Variants in TMEM108 observed in about 807,000 individuals in gnomAD.
TMEM108 encodes the protein transmembrane protein 108, also known as cancer/testis antigen 124.
A neutral mutation model predicts 35.1 loss-of-function variants in TMEM108; 12 were observed. The observed-to-expected ratio is 0.34, with a 90% CI of 0.22 to 0.55. The LOEUF is 0.55. Ranked by LOEUF, TMEM108 falls within the 20% of genes least tolerant of loss-of-function variation. The pLI, the probability that TMEM108 is intolerant of heterozygous loss-of-function variation, is 0.89. For synonymous variants in TMEM108, 287 were observed against 308.6 expected (o/e 0.93, Z 0.73); for missense variants, 680 against 753.3 (o/e 0.90, Z 1.14).
intron 4 of TMEM108, chr3:133,387,344 T>C (rs1576543742): frequency 1.0e-6 from 1 of 985,496 alleles, no homozygotes; most frequent in East Asian, 1.1e-4. Context: ...GTAGCCAGGC[T>C]GGCTTTCAGT....
chr3:133,146,324 G>T (rs1015983098), intron 2 of TMEM108, among the ~76,000 whole-genome samples: 1 of 152,146 alleles, frequency 6.6e-6, no homozygotes, highest in Non-Finnish European at 1.5e-5. Flanking sequence ...TGACTTGACT[G>T]TGGTGGATAA....
chr3:133,050,210 G>A (rs1202485142), intron 2 of TMEM108, among the ~76,000 whole-genome samples: 1 of 152,138 alleles, frequency 6.6e-6, no homozygotes, highest in Non-Finnish European at 1.5e-5. Context: ...GAGTTGAGGG[G>A]AAGGAGGTGG....
At chr3:133,129,650 C>G (rs1354699670) in intron 2 of TMEM108, among the ~76,000 whole-genome samples, 1 of 151,996 alleles carries the variant, frequency 6.6e-6, no homozygotes, top group Non-Finnish European at 1.5e-5. Flanking sequence ...TGAAAAAGGC[C>G]AAGAATGCCA....
chr3:133,149,639 C>T (rs1944769239), intron 2 of TMEM108, among the ~76,000 whole-genome samples: 1 of 152,120 alleles, frequency 6.6e-6, no homozygotes, highest in Admixed American at 6.6e-5. Flanking sequence ...ATAACATCCT[C>T]TAGGTTCATC....
intron 3 of TMEM108, among the ~76,000 whole-genome samples, chr3:133,275,919 A>G (rs949298804): frequency 2.0e-5 from 3 of 152,308 alleles, no homozygotes; most frequent in Non-Finnish European, 2.9e-5. Context: ...GTATTTGCTT[A>G]GTTGCTTTAT....
At chr3:133,373,575 A>G (rs905799411) in intron 3 of TMEM108, among the ~76,000 whole-genome samples, 6 of 151,996 alleles carry the variant, frequency 3.9e-5, no homozygotes, top group Non-Finnish European at 7.4e-5. Context: ...CAGCTTTCTC[A>G]TCTGTAAAGT....
intron 2 of TMEM108, among the ~76,000 whole-genome samples, chr3:133,109,287 T>A (rs1944197492): frequency 6.6e-6 from 1 of 152,144 alleles, no homozygotes. Flanking sequence ...TCATTCTAAT[T>A]ACAATACTCT....
chr3:133,132,818 T>G (rs965832414), intron 2 of TMEM108, among the ~76,000 whole-genome samples: 3 of 151,924 alleles, frequency 2.0e-5, no homozygotes, highest in Non-Finnish European at 4.4e-5. Flanking sequence ...TTAAGAACAT[T>G]CGTGATTTAT....
At chr3:133,393,100 C>T (rs909347979) in intron 5 of TMEM108, among the ~76,000 whole-genome samples, 1 of 152,202 alleles carries the variant, frequency 6.6e-6, no homozygotes, top group East Asian at 1.9e-4. Flanking sequence ...CCTCTTTGCT[C>T]TTCCTCCTGC....
chr3:133,151,586 GA>G (rs1944801911), intron 2 of TMEM108, among the ~76,000 whole-genome samples: 1 of 152,032 alleles, frequency 6.6e-6, no homozygotes, highest in African/African-American at 2.4e-5. Context: ...AACTCGAGGG[GA>G]AAATCATTGA....
intron 2 of TMEM108, among the ~76,000 whole-genome samples, chr3:133,145,793 T>G (rs2107761365): frequency 6.6e-6 from 1 of 152,320 alleles, no homozygotes; most frequent in South Asian, 2.1e-4. Context: ...TAGGAATGCT[T>G]GTGATTTTTG....
In TMEM108 at chr3:133,056,887, C is replaced by T. The variant is rs183526195; in HGVS notation, c.-47+10867C>T. 2.0e-3 allele frequency among the ~76,000 whole-genome samples: 302 copies of T among 152,270 alleles called. 2 individuals carry two copies. Among genetic ancestry groups the T allele is most frequent in the Middle Eastern group, 6.8e-3 (2 of 294 alleles). On this transcript the variant is annotated intron_variant, in intron 2 of 5. Coordinates refer to ENST00000321871, the MANE Select transcript of TMEM108 (RefSeq NM_023943.4). ...TCCTTTCATGTAAAGTGAGATTTAT[C>T]GTGAACGTCGAATGCTCTGATTGCA... is the stretch of plus-strand genomic sequence containing the variant.
chr3:133,182,847 G>A (rs1409350685), intron 2 of TMEM108, among the ~76,000 whole-genome samples: 1 of 152,162 alleles, frequency 6.6e-6, no homozygotes, highest in Admixed American at 6.5e-5. Context: ...CCTCTCTGGT[G>A]CCAGCATTCT....
intron 2 of TMEM108, among the ~76,000 whole-genome samples, chr3:133,129,805 C>T (rs966637923): frequency 6.6e-6 from 1 of 151,916 alleles, no homozygotes; most frequent in Non-Finnish European, 1.5e-5. Flanking sequence ...TGTAGCTTGT[C>T]TAGGGCTACA....
intron 3 of TMEM108, among the ~76,000 whole-genome samples, chr3:133,331,702 T>A (rs1055142445): frequency 1.3e-5 from 2 of 152,200 alleles, no homozygotes; most frequent in Non-Finnish European, 2.9e-5. Flanking sequence ...TCATCTGATT[T>A]TCCCAGGCAT....
At chr3:133,182,600 G>C (rs1212762163) in intron 2 of TMEM108, among the ~76,000 whole-genome samples, 1 of 152,140 alleles carries the variant, frequency 6.6e-6, no homozygotes, top group African/African-American at 2.4e-5. Context: ...TTAAACATTG[G>C]CTTATGTCTT....
intron 3 of TMEM108, chr3:133,253,553 A>G (rs1946501929): frequency 6.6e-6 from 1 of 152,228 alleles, no homozygotes; most frequent in African/African-American, 2.4e-5. Context: ...AGAAACATAA[A>G]TTATGACAGT....
intron 3 of TMEM108, among the ~76,000 whole-genome samples, chr3:133,290,871 A>G (rs1054374055): frequency 2.0e-5 from 3 of 152,238 alleles, no homozygotes; most frequent in African/African-American, 7.2e-5. Flanking sequence ...GCTCAGCCCT[A>G]TACCTCATTT....
intron 2 of TMEM108, among the ~76,000 whole-genome samples, chr3:133,160,487 A>G (rs1012436614): frequency 6.6e-6 from 1 of 152,190 alleles, no homozygotes; most frequent in African/African-American, 2.4e-5. Flanking sequence ...ATTCAGATTG[A>G]ATGCTGCTTC....
Sources: allele counts gnomAD v4.1 joint callset (sites outside exome capture counted in the v4.1 genomes callset), GRCh38; gene constraint gnomAD v4.1.1; transcripts MANE v1.5; gene names NCBI Gene and HGNC (gene_info 2026-07-23, HGNC 2026-07-21).